The following PHACTR3 variants were observed in gnomAD, a reference collection of about 807,000 sequenced individuals.
PHACTR3 encodes the protein phosphatase and actin regulator 3, also known as protein phosphatase 1, regulatory subunit 123.
PHACTR3 carries 16 observed loss-of-function variants against 66.8 expected under a neutral mutation model. That is an observed-to-expected ratio of 0.24 (90% CI 0.16 to 0.36). PHACTR3 has a LOEUF of 0.36. Among genes scored for constraint, PHACTR3 ranks in the 10% least tolerant of loss-of-function variants. The pLI is 1.00. For missense variants in PHACTR3, 647 were observed against 719.9 expected, an observed-to-expected ratio of 0.90 and a Z score of 1.16; for synonymous variants, 323 against 292.1, an observed-to-expected ratio of 1.11 and a Z score of -1.08.
chr20:59,730,880 G>A (rs2086165828), intron 1 of PHACTR3, among the ~76,000 whole-genome samples: 1 of 152,126 alleles, frequency 6.6e-6, no homozygotes, highest in South Asian at 2.1e-4. Context: ...GGCCCGCAAA[G>A]CCTCAGAGTT....
At chr20:59,587,784 C>T (rs182607930) in intron 1 of PHACTR3, among the ~76,000 whole-genome samples, 42 of 152,126 alleles carry the variant, frequency 2.8e-4, no homozygotes, top group East Asian at 1.9e-4. Context: ...GGCCTGGGCC[C>T]GGGTCATTTT....
intron 7 of PHACTR3, among the ~76,000 whole-genome samples, chr20:59,794,134 A>AAAAG (rs1555844433): frequency 1.3e-5 from 2 of 151,388 alleles, no homozygotes; most frequent in African/African-American, 4.9e-5. Flanking sequence ...AAAAAAAAAA[A>AAAAG]AAAAAAAAAG....
intron 1 of PHACTR3, among the ~76,000 whole-genome samples, chr20:59,614,122 G>A (rs1352926585): frequency 2.0e-5 from 3 of 152,164 alleles, no homozygotes; most frequent in Non-Finnish European, 2.9e-5. Flanking sequence ...TGAGTCTGAG[G>A]CCTGGCCCAT....
At chr20:59,744,794 G>T (rs2039307529) in intron 2 of PHACTR3, among the ~76,000 whole-genome samples, 1 of 152,240 alleles carries the variant, frequency 6.6e-6, no homozygotes, top group South Asian at 2.1e-4. Flanking sequence ...CCAACAGGAG[G>T]GGCCCAGGCC....
chr20:59,822,104 C>T (rs2042059406), intron 8 of PHACTR3, among the ~76,000 whole-genome samples: 1 of 84,428 alleles, frequency 1.2e-5, no homozygotes, highest in South Asian at 5.2e-4. Flanking sequence ...CGATCCCACC[C>T]CCTCCGCAGC....
chr20:59,600,794 C>G (rs934395272), upstream of PHACTR3, among the ~76,000 whole-genome samples: 1 of 152,200 alleles, frequency 6.6e-6, no homozygotes, highest in Admixed American at 6.5e-5. Context: ...TCAAGGAGAT[C>G]AAGGGGCAGA....
chr20:59,638,076 A>G (rs1378066545), intron 1 of PHACTR3, among the ~76,000 whole-genome samples: 1 of 152,188 alleles, frequency 6.6e-6, no homozygotes, highest in Non-Finnish European at 1.5e-5. Context: ...CCCAGTGCAT[A>G]CTATTAAATG....
At chr20:59,605,350 G>T (rs1297068963) in intron 1 of PHACTR3, among the ~76,000 whole-genome samples, 1 of 152,214 alleles carries the variant, frequency 6.6e-6, no homozygotes, top group African/African-American at 2.4e-5. Flanking sequence ...AGAGCCGGGC[G>T]CTGCAGCTTC....
intron 1 of PHACTR3, among the ~76,000 whole-genome samples, chr20:59,612,897 G>T (rs1054232005): frequency 2.6e-5 from 4 of 152,196 alleles, no homozygotes; most frequent in African/African-American, 9.6e-5. Flanking sequence ...ATGGCAGAAG[G>T]CAAAGGGGGA....
intron 1 of PHACTR3, among the ~76,000 whole-genome samples, chr20:59,690,566 C>A (rs1238288886): frequency 1.8e-4 from 28 of 152,168 alleles, no homozygotes; most frequent in Admixed American, 1.8e-3. Flanking sequence ...TGGAAGGAGA[C>A]CTTCATTTGG....
chr20:59,677,112 C>T (rs2036475282), intron 1 of PHACTR3, among the ~76,000 whole-genome samples: 1 of 152,124 alleles, frequency 6.6e-6, no homozygotes, highest in Non-Finnish European at 1.5e-5. Flanking sequence ...TAAAAATTCC[C>T]CTCAGATGCC....
At chr20:59,711,798 G>A (rs539786348) in intron 1 of PHACTR3, among the ~76,000 whole-genome samples, 3 of 152,146 alleles carry the variant, frequency 2.0e-5, no homozygotes, top group Non-Finnish European at 4.4e-5. Context: ...GTCAGGGATA[G>A]TCTGTATTTA....
At chr20:59,769,459 C>T (rs2040293134) in intron 5 of PHACTR3, among the ~76,000 whole-genome samples, 1 of 152,200 alleles carries the variant, frequency 6.6e-6, no homozygotes, top group Non-Finnish European at 1.5e-5. Context: ...GGGGGAGAGG[C>T]CTGGGACGGC....
intron 3 of PHACTR3, among the ~76,000 whole-genome samples, chr20:59,753,244 C>A (rs1335846174): frequency 6.6e-6 from 1 of 152,138 alleles, no homozygotes; most frequent in Non-Finnish European, 1.5e-5. Flanking sequence ...ATGGGAAGAG[C>A]CTGCCAGCCT....
In PHACTR3 at chr20:59,726,471, G is replaced by A. The variant is rs528752417; in HGVS notation, c.119-16636G>A. 2.0e-5 allele frequency among the ~76,000 whole-genome samples: 3 copies of A among 152,238 alleles called. No individual in the cohort carries two copies. The South Asian group carries it at 6.2e-4, about 32-fold the overall frequency. ...CACCAGGTCAAGCCAGACTCAAGAC[G>A]CAGGCAAACGGAAAAATGCAGAACT... is the stretch of plus-strand genomic sequence containing the variant. On this transcript the variant is annotated intron_variant, in intron 1 of 12. Transcript: ENST00000371015.
At chr20:59,659,017 T>C (rs2035722135) in intron 1 of PHACTR3, among the ~76,000 whole-genome samples, 2 of 151,996 alleles carry the variant, frequency 1.3e-5, no homozygotes, top group African/African-American at 4.8e-5. Flanking sequence ...TTTTAAATGA[T>C]AATATATTTT....
chr20:59,592,447 G>A (rs951020427), intron 1 of PHACTR3, among the ~76,000 whole-genome samples: 2 of 152,186 alleles, frequency 1.3e-5, no homozygotes, highest in Non-Finnish European at 2.9e-5. Context: ...CTACATGGAC[G>A]CAGGAAGATC....
At chr20:59,689,516 T>C (rs1463631893) in intron 1 of PHACTR3, among the ~76,000 whole-genome samples, 1 of 152,232 alleles carries the variant, frequency 6.6e-6, no homozygotes, top group Non-Finnish European at 1.5e-5. Flanking sequence ...CTGACCGGGT[T>C]ACAGGTGCCA....
intron 1 of PHACTR3, among the ~76,000 whole-genome samples, chr20:59,681,365 A>AT (rs57000191): frequency 1.1e-4 from 15 of 141,496 alleles, no homozygotes; most frequent in African/African-American, 1.5e-4. Context: ...TCATTGTACC[A>AT]TTTTTTTTTT....
Sources: allele counts gnomAD v4.1 joint callset (sites outside exome capture counted in the v4.1 genomes callset), GRCh38; gene constraint gnomAD v4.1.1; transcripts MANE v1.5; gene names NCBI Gene and HGNC (gene_info 2026-07-23, HGNC 2026-07-21).